Variants in SSR3 observed in about 807,000 individuals in gnomAD.
SSR3 encodes the protein signal sequence receptor subunit 3.
In SSR3, 10 loss-of-function variants were observed where a neutral mutation model predicts 22.1. The observed-to-expected ratio is 0.45, with a 90% CI of 0.28 to 0.77. The LOEUF (loss-of-function observed/expected upper bound fraction) is 0.77. Ranked by LOEUF, SSR3 falls within the 30% of genes least tolerant of loss-of-function variation. SSR3 has a pLI of 0.13. For synonymous variants in SSR3, 104 were observed against 82.5 expected, an observed-to-expected ratio of 1.26 and a Z score of -1.42; for missense variants, 181 against 220.5, an observed-to-expected ratio of 0.82 and a Z score of 1.13.
intron 2 of SSR3, 88 bp from the exon 3 acceptor site, chr3:156,549,091 C>T (rs3773716): frequency 0.5 from 654,063 of 1,307,604 alleles, 166,701 homozygotes; most frequent in East Asian, 0.66. Flanking sequence ...ACTCATATTT[C>T]GTACTGGCAA....
chr3:156,546,855 C>G (rs1488981978), intron 3 of SSR3, among the ~76,000 whole-genome samples: 1 of 152,200 alleles, frequency 6.6e-6, no homozygotes, highest in African/African-American at 2.4e-5. Context: ...TTATTTCCAT[C>G]CTTGGATAAA....
chr3:156,546,985 A>C (rs1719789079), intron 3 of SSR3, among the ~76,000 whole-genome samples: 1 of 152,182 alleles, frequency 6.6e-6, no homozygotes, highest in African/African-American at 2.4e-5. Flanking sequence ...CTTACATCAA[A>C]TCTCCTGGAA....
chr3:156,544,188 T>C lies in SSR3; in HGVS notation c.491+120A>G, dbSNP rs546162803. On this transcript the variant is annotated intron_variant, in intron 4 of 4. Coordinates refer to ENST00000265044, the MANE Select transcript of SSR3 (RefSeq NM_007107.5). ...AGAAAGTTATCTAAAGTCAGCACTA[T>C]TTAATGGACTGACTCCCAGAGCAGT... is the stretch of plus-strand genomic sequence containing the variant. 169 of 829,826 alleles carry C rather than the reference T, an allele frequency of 2.0e-4. 1 individual carries two copies. In the African/African-American group the frequency reaches 2.9e-3, roughly 14 times the overall value. The allele number at this position is 829,826 out of a possible 1,614,324, so 51.4% of individuals were successfully genotyped here. A position where few individuals can be genotyped will look rare whatever the true frequency, so the allele number is the denominator to read the frequency against.
intron 2 of SSR3, among the ~76,000 whole-genome samples, chr3:156,550,277 C>G (rs111742415): frequency 6.6e-6 from 1 of 152,212 alleles, no homozygotes; most frequent in Non-Finnish European, 1.5e-5. Context: ...CCCCAACTAT[C>G]AAGTTGTTAG....
chr3:156,543,227 G>A lies in SSR3; in HGVS notation c.534C>T (p.Ala178=). 6.2e-7 allele frequency: 1 copy of A among 1,613,952 alleles called. No homozygotes were observed. The highest frequency in any genetic ancestry group is 8.5e-7 in the Non-Finnish European group (1 of 1,179,962). ...LSISASSGLI[A]LLSTGSK is the part of the protein sequence containing the mutation. ...TCTATTTGGAGCCAGTAGACAGGAG[G>A]GCGATGAGTCCTGATGAAGCACTTA... Residue 178 remains alanine (A), a synonymous_variant, in exon 5 of 5, where the codon GCC becomes GCT. Transcript: ENST00000265044.
intron 2 of SSR3, among the ~76,000 whole-genome samples, chr3:156,552,028 C>T (rs557651967): frequency 2.0e-5 from 3 of 152,238 alleles, no homozygotes; most frequent in African/African-American, 4.8e-5. Flanking sequence ...TGGCTGGACA[C>T]GGCAGCTCAC....
chr3:156,545,622 T>C (rs1719732429), intron 3 of SSR3, among the ~76,000 whole-genome samples: 1 of 152,334 alleles, frequency 6.6e-6, no homozygotes, highest in South Asian at 2.1e-4. Context: ...TAACATCTTA[T>C]GCTCATCTTA....
Position 156,553,713 on chromosome 3 carries a change from C to T in SSR3, c.202G>A (p.Val68Ile). The change falls in exon 2 of 5, where the codon GTA becomes ATA. Residue 68 changes from valine to isoleucine, a missense_variant. Transcript: ENST00000265044. ...SAVLYSVMTL[V>I]STYLVAFAYK... Reference sequence around the variant, plus strand: ...GCAAAGGCTACCAAATATGTGCTTACTAGGGTCATCACACTATACAAAACA... The same window carrying T: ...GCAAAGGCTACCAAATATGTGCTTATTAGGGTCATCACACTATACAAAACA... 2.5e-6 allele frequency: 4 copies of T among 1,612,958 alleles called. No homozygotes were observed. Among genetic ancestry groups the T allele is most frequent in the Non-Finnish European group, 8.5e-7 (1 of 1,179,904 alleles).
At position 156,544,472 on chromosome 3, in the gene SSR3, T is replaced by A. The variant is rs570453626; in HGVS notation, c.360-33A>T. 13 of 1,472,074 alleles carry A rather than the reference T, an allele frequency of 8.8e-6. No homozygotes were observed. The South Asian group carries it at 1.5e-4, about 17-fold the overall frequency. 91.2% of individuals were successfully genotyped at this position (1,472,074 alleles called of 1,614,324 possible). A position where few individuals can be genotyped will look rare whatever the true frequency, so the allele number is the denominator to read the frequency against. On this transcript the variant is annotated intron_variant, in intron 3 of 4. Transcript: ENST00000265044. ...CACAGAAACAAGTCAAACAAGCTTA[T>A]AAATATGATTTAAAAAAACTTTTAA...
At chr3:156,549,217 C>G in intron 2 of SSR3, 1 of 422,712 alleles carries the variant, frequency 2.4e-6, no homozygotes, top group Non-Finnish European at 4.1e-6. Context: ...TTATTAGTGA[C>G]GTGTTTTGAT....
intron 3 of SSR3, 94 bp downstream of exon 3, chr3:156,548,811 C>T: frequency 6.6e-7 from 1 of 1,508,996 alleles, no homozygotes; most frequent in Non-Finnish European, 8.9e-7. Context: ...TTACCTCAGA[C>T]AATTCCAAAA....
intron 3 of SSR3, 36 bp downstream of exon 3, chr3:156,548,869 C>G: frequency 6.2e-7 from 1 of 1,603,200 alleles, no homozygotes; most frequent in Non-Finnish European, 8.5e-7. Context: ...AAAGTACCCC[C>G]TTTTATGATG....
chr3:156,543,140 C>G lies in SSR3; in HGVS notation c.*63G>C. The G allele has an allele frequency of 6.1e-6, 9 of 1,473,152 alleles. No individual in the cohort carries two copies. The highest frequency in any genetic ancestry group is 6.6e-6 in the Non-Finnish European group (7 of 1,058,616). 91.3% of individuals were successfully genotyped at this position (1,473,152 alleles called of 1,614,324 possible). Reference sequence around the variant, plus strand: ...TGTGTCTCCCACCCTGACCACCCTGCTACTTTTCCATATACCACAGGCCAC... The same window carrying G: ...TGTGTCTCCCACCCTGACCACCCTGGTACTTTTCCATATACCACAGGCCAC... On this transcript the variant is annotated 3_prime_UTR_variant, in exon 5 of 5. Transcript: ENST00000265044.
intron 2 of SSR3, 78 bp from the exon 3 acceptor site, chr3:156,549,081 A>G (rs1316081152): frequency 3.6e-5 from 50 of 1,403,402 alleles, no homozygotes; most frequent in Non-Finnish European, 4.7e-5. Flanking sequence ...AACACACCGT[A>G]CTCATATTTC....
rs1286195152 is a variant in SSR3 at position 156,542,932 on chromosome 3, T to G, written c.*271A>C. ...TCTGACAGATCAAGGAAACAAGTTA[T>G]TTTCTCCTCTTGTGATTACAGCACA... On this transcript the variant is annotated 3_prime_UTR_variant, in exon 5 of 5. Transcript: ENST00000265044. The G allele has an allele frequency of 1.3e-5, 5 of 373,374 alleles. No individual in the cohort carries two copies. Among genetic ancestry groups the G allele is most frequent in the Non-Finnish European group, 2.4e-5 (5 of 209,128 alleles). The allele number at this position is 373,374 out of a possible 1,614,324, so 23.1% of individuals were successfully genotyped here.
rs1384122941 is a variant in SSR3, at chr3:156,541,244, G to GC, written c.*1958dup. 1 of 152,136 alleles carries GC rather than the reference G, an allele frequency of 6.6e-6. No individual in the cohort carries two copies. The highest frequency in any genetic ancestry group is 1.5e-5 in the Non-Finnish European group (1 of 68,042). 9.4% of individuals were successfully genotyped at this position (152,136 alleles called of 1,614,324 possible). A position where few individuals can be genotyped will look rare whatever the true frequency, so the allele number is the denominator to read the frequency against. ...TCTATACAGGCACTGCCATCTAGTG[G>GC]CAAGTTTTCACCAGCAATTTTAAAA... On this transcript the variant is annotated 3_prime_UTR_variant, in exon 5 of 5. Coordinates refer to ENST00000265044, the MANE Select transcript of SSR3 (RefSeq NM_007107.5).
At chr3:156,554,007 T>C (rs746842670) in intron 1 of SSR3, 9 of 368,558 alleles carry the variant, frequency 2.4e-5, no homozygotes, top group African/African-American at 6.3e-5. Context: ...CTATTACTAG[T>C]CCAGATGAGA....
At chr3:156,545,102 G>A (rs1384294290) in intron 3 of SSR3, among the ~76,000 whole-genome samples, 1 of 152,122 alleles carries the variant, frequency 6.6e-6, no homozygotes, top group Non-Finnish European at 1.5e-5. Context: ...CATGCAAAAG[G>A]AAGTTATAGG....
chr3:156,553,925 C>T (rs1305671127), intron 1 of SSR3, 144 bp from the exon 2 acceptor site: 4 of 734,536 alleles, frequency 5.4e-6, no homozygotes, highest in Non-Finnish European at 8.2e-6. Flanking sequence ...TGAGGATCTT[C>T]AGAAGCGAGA....
Sources: gnomAD v4.1 joint callset for allele counts (sites outside exome capture counted in the v4.1 genomes callset) on GRCh38, gnomAD v4.1.1 for gene constraint, MANE v1.5 for transcripts, NCBI Gene and HGNC (gene_info 2026-07-23, HGNC 2026-07-21) for gene names.